KCNA2: variants seen among roughly 807,000 people sequenced by gnomAD.
KCNA2 encodes potassium voltage-gated channel subfamily A member 2.
In KCNA2, 11 loss-of-function variants were observed where a neutral mutation model predicts 33.4. The ratio of observed to expected loss-of-function variants is 0.33; its 90% CI spans 0.21 to 0.55. The LOEUF is 0.55. Ranked by LOEUF, KCNA2 falls within the 20% of genes least tolerant of loss-of-function variation. KCNA2 has a pLI of 0.93. For missense variants in KCNA2, 291 were observed against 621.6 expected, an observed-to-expected ratio of 0.47 and a Z score of 5.66; for synonymous variants, 222 against 231.3, an observed-to-expected ratio of 0.96 and a Z score of 0.37.
chr1:110,611,464 C>T (rs937728051), intron 1 of KCNA2, among the ~76,000 whole-genome samples: 1 of 152,228 alleles, frequency 6.6e-6, no homozygotes, highest in African/African-American at 2.4e-5. Context: ...CAAGGTGGCT[C>T]ATGCCTATAA....
In KCNA2 at chr1:110,601,358, G is replaced by C. The variant is rs1322158973; in HGVS notation, c.*1925C>G. On this transcript the variant is annotated 3_prime_UTR_variant, in exon 3 of 3. Transcript: ENST00000316361. The stretch of plus-strand genomic sequence containing the variant: ...ACTCCTTGGTGTCCTTGGTTTCAAA[G>C]CAGGGGATCCATTCTGGCTCTTTAG... 1.0e-6 allele frequency: 1 copy of C among 985,328 alleles called. No individual in the cohort carries two copies. Among genetic ancestry groups the C allele is most frequent in the Non-Finnish European group, 1.2e-6 (1 of 829,952 alleles). The allele number at this position is 985,328 out of a possible 1,614,324, so 61.0% of individuals were successfully genotyped here. A position where few individuals can be genotyped will look rare whatever the true frequency, so the allele number is the denominator to read the frequency against.
Position 110,598,127 on chromosome 1 carries a change from G to A in KCNA2, c.*5156C>T. On this transcript the variant is annotated 3_prime_UTR_variant, in exon 3 of 3. Transcript: ENST00000316361. ...GGTTAAGGTCATGAGTTCAAACCCGGCAATGGATACCTTGCCAAGGCTAGG... is the reference window on the plus strand; with the variant it reads ...GGTTAAGGTCATGAGTTCAAACCCGACAATGGATACCTTGCCAAGGCTAGG... 1 of 931,710 alleles carries A rather than the reference G, an allele frequency of 1.1e-6. No homozygotes were observed. The highest frequency in any genetic ancestry group is 1.3e-6 in the Non-Finnish European group (1 of 780,968). The allele number at this position is 931,710 out of a possible 1,614,324, so 57.7% of individuals were successfully genotyped here. A position where few individuals can be genotyped will look rare whatever the true frequency, so the allele number is the denominator to read the frequency against.
intron 1 of KCNA2, among the ~76,000 whole-genome samples, chr1:110,615,273 G>T (rs1650012640): frequency 6.6e-6 from 1 of 152,284 alleles, no homozygotes; most frequent in South Asian, 2.1e-4. Context: ...AGAATTAGAG[G>T]CATGAAAGAC....
In KCNA2 at chr1:110,601,389, G is replaced by T. The variant is rs1649336012; in HGVS notation, c.*1894C>A. The T allele has an allele frequency of 1.0e-6, 1 of 985,300 alleles. No individual in the cohort carries two copies. The highest frequency in any genetic ancestry group is 1.7e-5 in the African/African-American group (1 of 57,216). The allele number at this position is 985,300 out of a possible 1,614,324, so 61.0% of individuals were successfully genotyped here. A position where few individuals can be genotyped will look rare whatever the true frequency, so the allele number is the denominator to read the frequency against. On this transcript the variant is annotated 3_prime_UTR_variant, in exon 3 of 3. Transcript: ENST00000316361. ...GATCCATTCTGGCTCTTTAGCGAAA[G>T]GTTTGTGAAAGTGACGGATGCAGAG...
rs111461433 is a variant in KCNA2, at chr1:110,596,030, C to T, written c.*7253G>A. 7.0e-3 allele frequency: 6,911 copies of T among 985,396 alleles called. 293 individuals are homozygous for T. In the African/African-American group the frequency reaches 0.11, roughly 15 times the overall value. The allele number at this position is 985,396 out of a possible 1,614,324, so 61.0% of individuals were successfully genotyped here. A position where few individuals can be genotyped will look rare whatever the true frequency, so the allele number is the denominator to read the frequency against. ...GCAGACAGAAGAAAGGCTAAAGCAC[C>T]TGGCTGTTAGATCAGACTTCCCTTT... On this transcript the variant is annotated 3_prime_UTR_variant, in exon 3 of 3. Transcript: ENST00000316361.
intron 1 of KCNA2, among the ~76,000 whole-genome samples, chr1:110,624,545 T>A (rs1457435352): frequency 6.6e-6 from 1 of 152,186 alleles, no homozygotes; most frequent in Non-Finnish European, 1.5e-5. Flanking sequence ...GATATATAAA[T>A]CTATAAATTT....
At position 110,599,249 on chromosome 1, in the gene KCNA2, C is replaced by G; in HGVS notation, c.*4034G>C. 1 of 985,028 alleles carries G rather than the reference C, an allele frequency of 1.0e-6. No individual in the cohort carries two copies. Among genetic ancestry groups the G allele is most frequent in the Non-Finnish European group, 1.2e-6 (1 of 829,574 alleles). 61.0% of individuals were successfully genotyped at this position (985,028 alleles called of 1,614,324 possible). On this transcript the variant is annotated 3_prime_UTR_variant, in exon 3 of 3. Coordinates refer to ENST00000316361, the MANE Select transcript of KCNA2 (RefSeq NM_004974.4). The stretch of plus-strand genomic sequence containing the variant: ...AAAATGCACTCAGCTCTCAGCTAGT[C>G]CTACTTAGGGGAAGAACCAGCTCCA...
At chr1:110,626,770 C>G (rs1248451591) in intron 1 of KCNA2, among the ~76,000 whole-genome samples, 1 of 152,174 alleles carries the variant, frequency 6.6e-6, no homozygotes, top group African/African-American at 2.4e-5. Context: ...ACACAAGCCT[C>G]AGGCACCAGC....
Position 110,596,584 on chromosome 1 carries a change from G to A in KCNA2, c.*6699C>T. On this transcript the variant is annotated 3_prime_UTR_variant, in exon 3 of 3. Transcript: ENST00000316361. ...GTCTTCTCTACCTATGTCCACTACT[G>A]TACAATAAGCATTGAGGTTTACAAT... The A allele has an allele frequency of 3.5e-6, 1 of 281,876 alleles. No homozygotes were observed. The highest frequency in any genetic ancestry group is 5.4e-6 in the Non-Finnish European group (1 of 186,880). The allele number at this position is 281,876 out of a possible 1,614,324, so 17.5% of individuals were successfully genotyped here. A position where few individuals can be genotyped will look rare whatever the true frequency, so the allele number is the denominator to read the frequency against.
chr1:110,624,129 A>C (rs1650332789), intron 1 of KCNA2, among the ~76,000 whole-genome samples: 1 of 152,246 alleles, frequency 6.6e-6, no homozygotes. Flanking sequence ...TATATTAGCA[A>C]TTTATTTATA....
intron 1 of KCNA2, among the ~76,000 whole-genome samples, chr1:110,615,257 G>A (rs1434379035): frequency 6.6e-6 from 1 of 152,154 alleles, no homozygotes; most frequent in Non-Finnish European, 1.5e-5. Context: ...TGAATGCTAA[G>A]GAAGTAGAAT....
chr1:110,625,532 A>G (rs1227695095), intron 1 of KCNA2, among the ~76,000 whole-genome samples: 2 of 152,232 alleles, frequency 1.3e-5, no homozygotes, highest in African/African-American at 4.8e-5. Flanking sequence ...ATATTTTATA[A>G]TCATAAAGAA....
chr1:110,620,087 A>AGAGAGAGAGT (rs1650210925), intron 1 of KCNA2, among the ~76,000 whole-genome samples: 1 of 133,894 alleles, frequency 7.5e-6, no homozygotes, highest in African/African-American at 3.2e-5. Context: ...AGAGAGAGAG[A>AGAGAGAGAGT]GTGAGTGAGA....
chr1:110,599,272 C>T lies in KCNA2; in HGVS notation c.*4011G>A. ...GTCCTACTTAGGGGAAGAACCAGCTCCAAGAGTAATCCAAAATGGTGGGTA... is the reference window on the plus strand; with the variant it reads ...GTCCTACTTAGGGGAAGAACCAGCTTCAAGAGTAATCCAAAATGGTGGGTA... On this transcript the variant is annotated 3_prime_UTR_variant, in exon 3 of 3. Transcript: ENST00000316361. 1.0e-6 allele frequency: 1 copy of T among 984,058 alleles called. No homozygotes were observed. Among genetic ancestry groups the T allele is most frequent in the Non-Finnish European group, 1.2e-6 (1 of 828,724 alleles). 61.0% of individuals were successfully genotyped at this position (984,058 alleles called of 1,614,324 possible).
Position 110,597,955 on chromosome 1 carries a change from C to G in KCNA2, c.*5328G>C, listed in dbSNP as rs902164463. ...TAGGGGAGCCCCTACCTCCATCTGT[C>G]CCTGCTGGTTGCTTTGATAGGGGAA... On this transcript the variant is annotated 3_prime_UTR_variant, in exon 3 of 3. Transcript: ENST00000316361. The G allele has an allele frequency of 1.0e-6, 1 of 985,220 alleles. No homozygotes were observed. Among genetic ancestry groups the G allele is most frequent in the African/African-American group, 1.7e-5 (1 of 57,216 alleles). 61.0% of individuals were successfully genotyped at this position (985,220 alleles called of 1,614,324 possible).
rs1228116004 is a variant in KCNA2, at chr1:110,602,210, A to C, written c.*1073T>G. On this transcript the variant is annotated 3_prime_UTR_variant, in exon 3 of 3. Coordinates refer to ENST00000316361, the MANE Select transcript of KCNA2 (RefSeq NM_004974.4). ...AGGGATAGGTAGGCTGGGGGGCCAGAAGTTTTAGTTCCATTCCAAATAGTC... is the reference window on the plus strand; with the variant it reads ...AGGGATAGGTAGGCTGGGGGGCCAGCAGTTTTAGTTCCATTCCAAATAGTC... 1 of 1,548,556 alleles carries C rather than the reference A, an allele frequency of 6.5e-7. No homozygotes were observed. Among genetic ancestry groups the C allele is most frequent in the South Asian group, 1.2e-5 (1 of 83,868 alleles).
Position 110,599,207 on chromosome 1 carries a change from T to C in KCNA2, c.*4076A>G. 6.1e-6 allele frequency: 6 copies of C among 985,472 alleles called. No individual in the cohort carries two copies. Among genetic ancestry groups the C allele is most frequent in the Non-Finnish European group, 7.2e-6 (6 of 829,940 alleles). 61.0% of individuals were successfully genotyped at this position (985,472 alleles called of 1,614,324 possible). A position where few individuals can be genotyped will look rare whatever the true frequency, so the allele number is the denominator to read the frequency against. On this transcript the variant is annotated 3_prime_UTR_variant, in exon 3 of 3. Transcript: ENST00000316361. ...TGACTGCAACTCTTTACTTCCGATG[T>C]AGGTGAAGCCTTTGCTAAAATGCAC...
chr1:110,618,911 C>A (rs188695177), intron 1 of KCNA2, among the ~76,000 whole-genome samples: 14 of 152,332 alleles, frequency 9.2e-5, no homozygotes, highest in Admixed American at 8.5e-4. Context: ...CTCACCTGGG[C>A]TCCTCACAGG....
chr1:110,604,711 G>A lies in KCNA2; in HGVS notation c.72C>T (p.Asp24=), dbSNP rs1160695226. Residue 24 remains aspartate (D), a synonymous_variant, in exon 3 of 3, where the codon GAC becomes GAT. Coordinates refer to ENST00000316361, the MANE Select transcript of KCNA2 (RefSeq NM_004974.4). The surrounding 1 kb of genome is among the most constrained non-coding windows in gnomAD (Gnocchi z 7.6). ...ALPGHPQDTY[D]PEADHECCER... ...CACAGCACTCGTGGTCTGCCTCTGGGTCATAGGTGTCCTGTGGGTGCCCAG... is the reference window on the plus strand; with the variant it reads ...CACAGCACTCGTGGTCTGCCTCTGGATCATAGGTGTCCTGTGGGTGCCCAG... 8 of 1,614,066 alleles carry A rather than the reference G, an allele frequency of 5.0e-6. No individual in the cohort carries two copies. Among genetic ancestry groups the A allele is most frequent in the Non-Finnish European group, 6.8e-6 (8 of 1,180,038 alleles).
Sources: allele counts gnomAD v4.1 joint callset (sites outside exome capture counted in the v4.1 genomes callset), GRCh38; gene constraint gnomAD v4.1.1; non-coding constraint Gnocchi (gnomAD v3.1); transcripts MANE v1.5; gene names NCBI Gene and HGNC (gene_info 2026-07-23, HGNC 2026-07-21).